BMPR1B: variants seen among roughly 807,000 people sequenced by gnomAD.
BMPR1B encodes bone morphogenetic protein receptor type-1B.
BMPR1B carries 12 observed loss-of-function variants against 59.1 expected under a neutral mutation model. That is an observed-to-expected ratio of 0.20 (90% CI 0.13 to 0.33). BMPR1B has a LOEUF of 0.33. BMPR1B is among the 10% of genes least tolerant of loss of function. The pLI is 1.00. For missense variants in BMPR1B, 550 were observed against 610.9 expected, an observed-to-expected ratio of 0.90 and a Z score of 1.05; for synonymous variants, 237 against 207.3, an observed-to-expected ratio of 1.14 and a Z score of -1.23.
intron 1 of BMPR1B, among the ~76,000 whole-genome samples, chr4:94,763,554 T>C (rs955023459): frequency 6.6e-6 from 1 of 152,224 alleles, no homozygotes; most frequent in Non-Finnish European, 1.5e-5. Flanking sequence ...TTGTATTTAC[T>C]TATCGGCTAA....
At chr4:94,832,181 A>G (rs962619129) in intron 1 of BMPR1B, among the ~76,000 whole-genome samples, 4 of 152,176 alleles carry the variant, frequency 2.6e-5, no homozygotes, top group African/African-American at 9.7e-5. Context: ...CCTAGTGCCA[A>G]AAAGGTTGAG....
chr4:94,822,169 G>A (rs890556659), intron 1 of BMPR1B, among the ~76,000 whole-genome samples: 1 of 152,160 alleles, frequency 6.6e-6, no homozygotes, highest in Non-Finnish European at 1.5e-5. Context: ...AGACAAAAGG[G>A]GGCCAGATAA....
At chr4:94,993,496 A>G (rs1003004345) in intron 2 of BMPR1B, among the ~76,000 whole-genome samples, 3 of 151,930 alleles carry the variant, frequency 2.0e-5, no homozygotes, top group Non-Finnish European at 2.9e-5. Flanking sequence ...GCAGTGGCTC[A>G]CGCTTGTAAT....
chr4:94,916,649 A>G (rs1266817299), intron 2 of BMPR1B, among the ~76,000 whole-genome samples: 6 of 152,240 alleles, frequency 3.9e-5, no homozygotes, highest in Non-Finnish European at 8.8e-5. Flanking sequence ...TTTCAACAGG[A>G]AGCAGAGCAT....
Position 95,156,214 on chromosome 4 carries a change from C to T in BMPR1B, c.*1541C>T, listed in dbSNP as rs1735410363. 6.6e-6 allele frequency: 1 copy of T among 152,014 alleles called. No individual in the cohort carries two copies. Among genetic ancestry groups the T allele is most frequent in the Admixed American group, 6.5e-5 (1 of 15,270 alleles). The allele number at this position is 152,014 out of a possible 1,614,324, so 9.4% of individuals were successfully genotyped here. A position where few individuals can be genotyped will look rare whatever the true frequency, so the allele number is the denominator to read the frequency against. ...AATACAGTTTAAAGTTGTACACATC[C>T]TGCTCAACTTTATTCATATACATTT... On this transcript the variant is annotated 3_prime_UTR_variant, in exon 13 of 13. Transcript: ENST00000515059.
At chr4:94,759,905 T>C (rs956346393) in intron 1 of BMPR1B, among the ~76,000 whole-genome samples, 5 of 152,222 alleles carry the variant, frequency 3.3e-5, no homozygotes, top group Non-Finnish European at 7.3e-5. Context: ...TTGCTCTGAT[T>C]TTCACTGTTT....
At chr4:94,758,313 C>T (rs996367847) in intron 1 of BMPR1B, among the ~76,000 whole-genome samples, 2 of 150,818 alleles carry the variant, frequency 1.3e-5, no homozygotes, top group Admixed American at 6.6e-5. Context: ...AGGCGGTGGC[C>T]GCCTCGGCTT....
chr4:94,942,494 T>A (rs1729555866), intron 2 of BMPR1B, among the ~76,000 whole-genome samples: 2 of 152,214 alleles, frequency 1.3e-5, no homozygotes, highest in Non-Finnish European at 2.9e-5. Context: ...AACTATTCTT[T>A]ACTTGTTATT....
chr4:94,974,262 A>G (rs2149080065), intron 2 of BMPR1B, among the ~76,000 whole-genome samples: 1 of 152,188 alleles, frequency 6.6e-6, no homozygotes, highest in Non-Finnish European at 1.5e-5. Context: ...GGCCATTAAC[A>G]CTTTCTTCTA....
chr4:95,110,614 T>C (rs1175643937), intron 4 of BMPR1B, among the ~76,000 whole-genome samples: 1 of 152,164 alleles, frequency 6.6e-6, no homozygotes, highest in Non-Finnish European at 1.5e-5. Context: ...TCTATTACTT[T>C]AATAATTACC....
intron 2 of BMPR1B, among the ~76,000 whole-genome samples, chr4:94,983,377 C>T (rs1312882824): frequency 6.6e-6 from 1 of 152,102 alleles, no homozygotes; most frequent in Non-Finnish European, 1.5e-5. Flanking sequence ...CTAAGCCTAC[C>T]ACATAGCAGT....
chr4:95,017,075 C>A (rs748069824), intron 3 of BMPR1B, among the ~76,000 whole-genome samples: 12 of 152,180 alleles, frequency 7.9e-5, no homozygotes, highest in Non-Finnish European at 1.5e-4. Context: ...GGTCTTTCCT[C>A]CCCACGAAGA....
chr4:94,957,398 A>AT (rs1361222211), intron 2 of BMPR1B, among the ~76,000 whole-genome samples: 2 of 128,984 alleles, frequency 1.6e-5, no homozygotes, highest in East Asian at 2.2e-4. Flanking sequence ...GTATATAAGA[A>AT]TTTTTTGTGG....
intron 2 of BMPR1B, among the ~76,000 whole-genome samples, chr4:94,921,070 A>T (rs961286075): frequency 6.6e-6 from 1 of 152,144 alleles, no homozygotes; most frequent in Non-Finnish European, 1.5e-5. Flanking sequence ...GAACTTTAAC[A>T]AAGAGCTGTA....
intron 3 of BMPR1B, among the ~76,000 whole-genome samples, chr4:95,030,859 C>A (rs529645820): frequency 1.3e-5 from 2 of 150,480 alleles, no homozygotes; most frequent in African/African-American, 2.5e-5. Context: ...CACTGCTCAA[C>A]GAAATAAAAG....
intron 2 of BMPR1B, among the ~76,000 whole-genome samples, chr4:94,968,676 A>G (rs1046495547): frequency 6.6e-6 from 1 of 152,280 alleles, no homozygotes; most frequent in South Asian, 2.1e-4. Flanking sequence ...GATGTTTGAG[A>G]TAGCTCCAGG....
intron 3 of BMPR1B, among the ~76,000 whole-genome samples, chr4:95,088,315 G>T: frequency 6.6e-6 from 1 of 152,256 alleles, no homozygotes; most frequent in Admixed American, 6.5e-5. Flanking sequence ...CTAGTGAGGA[G>T]CCACTGAACT....
At chr4:94,898,312 A>T (rs759817188) in intron 2 of BMPR1B, among the ~76,000 whole-genome samples, 1 of 152,000 alleles carries the variant, frequency 6.6e-6, no homozygotes, top group Non-Finnish European at 1.5e-5. Flanking sequence ...TAGACTAGAT[A>T]TTCTCTTCTT....
At chr4:94,853,468 A>G (rs1399989311) in intron 1 of BMPR1B, among the ~76,000 whole-genome samples, 1 of 152,184 alleles carries the variant, frequency 6.6e-6, no homozygotes, top group East Asian at 1.9e-4. Context: ...CATAAAATAT[A>G]TTCTCTCCAT....
Sources: gnomAD v4.1 joint callset for allele counts (sites outside exome capture counted in the v4.1 genomes callset) on GRCh38, gnomAD v4.1.1 for gene constraint, MANE v1.5 for transcripts, NCBI Gene and HGNC (gene_info 2026-07-23, HGNC 2026-07-21) for gene names.